Variants in SYNRG observed in about 807,000 individuals in gnomAD.
The protein encoded by SYNRG is synergin gamma.
SYNRG carries 37 observed loss-of-function variants against 130.9 expected under a neutral mutation model. That is an observed-to-expected ratio of 0.28 (90% CI 0.22 to 0.37). SYNRG has a LOEUF of 0.37. Ranked by LOEUF, SYNRG falls within the 10% of genes least tolerant of loss-of-function variation. The probability of loss-of-function intolerance (pLI) is 1.00; values close to 1 mark genes in which losing one functional copy is unlikely to be tolerated. For missense variants in SYNRG, 1,338 were observed against 1,588.9 expected, an observed-to-expected ratio of 0.84 and a Z score of 2.68; for synonymous variants, 539 against 568.1, an observed-to-expected ratio of 0.95 and a Z score of 0.73.
chr17:37,561,691 C>T (rs2059545952), intron 11 of SYNRG, 102 bp from the exon 12 acceptor site: 2 of 774,276 alleles, frequency 2.6e-6, no homozygotes, highest in Admixed American at 2.3e-5. Flanking sequence ...CATTAAAACT[C>T]ATGGCTCTCT....
At chr17:37,545,363 T>C (rs1031965888) in intron 14 of SYNRG, among the ~76,000 whole-genome samples, 7 of 152,050 alleles carry the variant, frequency 4.6e-5, no homozygotes, top group Non-Finnish European at 8.8e-5. Context: ...ACCACTGCAC[T>C]CCAGCCTGGC....
chr17:37,538,891 G>T, intron 17 of SYNRG: 1 of 490,362 alleles, frequency 2.0e-6, no homozygotes, highest in Non-Finnish European at 2.6e-6. Flanking sequence ...ACCGCACCCA[G>T]CCAAGACAGG....
At chr17:37,563,801 G>A (rs1388236832) in intron 11 of SYNRG, among the ~76,000 whole-genome samples, 1 of 151,254 alleles carries the variant, frequency 6.6e-6, no homozygotes, top group Non-Finnish European at 1.5e-5. Context: ...CTCCCAAAGT[G>A]CTAGGTTTAC....
intron 14 of SYNRG, among the ~76,000 whole-genome samples, chr17:37,545,046 C>G (rs2058147765): frequency 6.6e-6 from 1 of 151,558 alleles, no homozygotes; most frequent in Admixed American, 6.6e-5. Context: ...ATGGAGAAAC[C>G]CTGTCTCTAC....
chr17:37,582,746 G>A (rs1421127481), intron 6 of SYNRG, among the ~76,000 whole-genome samples: 6 of 151,906 alleles, frequency 3.9e-5, no homozygotes, highest in East Asian at 1.9e-4. Flanking sequence ...CTGTAGTCCC[G>A]GTTACTCACG....
chr17:37,565,986 C>G (rs1376800332), intron 11 of SYNRG, among the ~76,000 whole-genome samples: 1 of 150,868 alleles, frequency 6.6e-6, no homozygotes, highest in Non-Finnish European at 1.5e-5. Flanking sequence ...CCTGCCCGGC[C>G]AGCCGCCCCG....
At chr17:37,539,496 G>C (rs1468149930) in intron 16 of SYNRG, among the ~76,000 whole-genome samples, 1 of 152,080 alleles carries the variant, frequency 6.6e-6, no homozygotes, top group Non-Finnish European at 1.5e-5. Context: ...TCAGCCTCCA[G>C]AGCAGCTGGG....
chr17:37,599,372 G>C (rs1307737677), intron 2 of SYNRG, among the ~76,000 whole-genome samples: 1 of 152,164 alleles, frequency 6.6e-6, no homozygotes, highest in African/African-American at 2.4e-5. Flanking sequence ...ATATTGGTGG[G>C]TCCTAGTCTG....
chr17:37,525,778 C>T lies in SYNRG; in HGVS notation c.3667-5130G>A, dbSNP rs187007078. Among the ~76,000 whole-genome samples the T allele has an allele frequency of 3.0e-3, 454 of 152,314 alleles. 4 individuals are homozygous for T. Among genetic ancestry groups the T allele is most frequent in the South Asian group, 0.022 (108 of 4,822 alleles). On this transcript the variant is annotated intron_variant, in intron 19 of 21. Transcript: ENST00000612223. ...GTCAGGCTTTGGAGACCAGCCTGGCCAACATGGTGAAACCCCGTCTCTACT... is the reference window on the plus strand; with the variant it reads ...GTCAGGCTTTGGAGACCAGCCTGGCTAACATGGTGAAACCCCGTCTCTACT...
chr17:37,533,926 CTTTTTTT>C (rs765621244), intron 19 of SYNRG, among the ~76,000 whole-genome samples: 10 of 57,810 alleles, frequency 1.7e-4, no homozygotes, highest in Middle Eastern at 0.021. Flanking sequence ...ATTTTCTTTT[CTTTTTTT>C]TTTTTTTTTT....
chr17:37,575,710 C>T (rs1473590243), intron 8 of SYNRG, among the ~76,000 whole-genome samples: 3 of 151,822 alleles, frequency 2.0e-5, no homozygotes, highest in Admixed American at 6.6e-5. Context: ...GGTGTAGTGG[C>T]ATGCGCCTGT....
chr17:37,564,308 ATC>A (rs2145763456), intron 11 of SYNRG, among the ~76,000 whole-genome samples: 2 of 152,268 alleles, frequency 1.3e-5, no homozygotes, highest in Admixed American at 1.3e-4. Flanking sequence ...CTCAACTGCC[ATC>A]TCTCCTTTGA....
chr17:37,520,107 G>C, intron 21 of SYNRG, 72 bp downstream of exon 21: 1 of 1,515,640 alleles, frequency 6.6e-7, no homozygotes, highest in Non-Finnish European at 9.2e-7. Flanking sequence ...GCAATGGATA[G>C]AATCATCCAA....
At chr17:37,580,394 G>A (rs1485592827) in intron 6 of SYNRG, among the ~76,000 whole-genome samples, 2 of 150,964 alleles carry the variant, frequency 1.3e-5, no homozygotes, top group East Asian at 3.9e-4. Context: ...TTGTTCCCCC[G>A]GTTCAAGAGA....
At chr17:37,549,939 T>C (rs2058585986) in intron 14 of SYNRG, among the ~76,000 whole-genome samples, 1 of 152,192 alleles carries the variant, frequency 6.6e-6, no homozygotes, top group Non-Finnish European at 1.5e-5. Flanking sequence ...CAAGACTTCC[T>C]GCTATTAATA....
rs116516429 is a variant in SYNRG, at chr17:37,543,474, T to C, written c.2609-909A>G. ...GATTTGGAAAGACCTGAGTTCAACC[T>C]TGCTACCTACTATTTGTATGACACT... On this transcript the variant is annotated intron_variant, in intron 14 of 21. Transcript: ENST00000612223. Among the ~76,000 whole-genome samples, 922 of 152,360 alleles carry C rather than the reference T, an allele frequency of 6.1e-3. 10 individuals are homozygous for C. The highest frequency in any genetic ancestry group is 0.021 in the African/African-American group (871 of 41,574).
In SYNRG at chr17:37,553,627, T is replaced by A; in HGVS notation, c.2096A>T (p.Asn699Ile). Residue 699 changes from asparagine (N) to isoleucine (I), a missense_variant, in exon 14 of 22, where the codon AAT (asparagine) becomes ATT (isoleucine). Asn to Ile is a moderately radical substitution (Grantham distance 149). Around this residue, in one of 3 missense-constraint regions of SYNRG, gnomAD observed 1,146 missense variants for 1,342.3 expected, o/e 0.85. Coordinates refer to ENST00000612223, the MANE Select transcript of SYNRG (RefSeq NM_007247.6). The part of the protein sequence containing the change: ...DDFADFMAFS[N>I]SSISSEQKPD... ...CTTTTGCTCAGATGAAATAGAGCTA[T>A]TACTGAAAGCCATAAAATCTGCAAA... The A allele has an allele frequency of 6.2e-7, 1 of 1,614,004 alleles. No individual in the cohort carries two copies. The highest frequency in any genetic ancestry group is 8.5e-7 in the Non-Finnish European group (1 of 1,179,996).
intron 1 of SYNRG, among the ~76,000 whole-genome samples, chr17:37,606,932 T>C (rs1054332498): frequency 6.6e-6 from 1 of 152,128 alleles, no homozygotes; most frequent in Non-Finnish European, 1.5e-5. Flanking sequence ...TAAGTTTCCT[T>C]ATAAAATAAT....
chr17:37,591,994 G>A lies in SYNRG; in HGVS notation c.240+4229C>T, dbSNP rs115041435. Among the ~76,000 whole-genome samples, 252 of 152,184 alleles carry A rather than the reference G, an allele frequency of 1.7e-3. 1 individual carries two copies. In the South Asian group the frequency reaches 0.017, roughly 10 times the overall value. On this transcript the variant is annotated intron_variant, in intron 3 of 21. Coordinates refer to ENST00000612223, the MANE Select transcript of SYNRG (RefSeq NM_007247.6). ...GAACTTTTGCTCTGTAAAAGACCCC[G>A]TTAAGAGGGTGAAAAGACAAGCTAA...
Sources: allele counts gnomAD v4.1 joint callset (sites outside exome capture counted in the v4.1 genomes callset), GRCh38; gene constraint gnomAD v4.1.1; regional missense constraint gnomAD v4.1.1; transcripts MANE v1.5; gene names NCBI Gene and HGNC (gene_info 2026-07-23, HGNC 2026-07-21).